The following CNTN4 variants were observed in gnomAD, a reference collection of about 807,000 sequenced individuals.
CNTN4 encodes the protein contactin-4.
Under a neutral mutation model 122.5 loss-of-function variants are expected in CNTN4, and 77 were observed. The ratio of observed to expected loss-of-function variants is 0.63; its 90% CI spans 0.52 to 0.76. The LOEUF (loss-of-function observed/expected upper bound fraction) is 0.76. Ranked by LOEUF, CNTN4 falls within the 30% of genes least tolerant of loss-of-function variation. CNTN4 has a pLI of 0.00. For missense variants in CNTN4, 1,256 were observed against 1,259.1 expected (o/e 1.00, Z 0.04); for synonymous variants, 512 against 447.0 (o/e 1.15, Z -1.83).
intron 3 of CNTN4, among the ~76,000 whole-genome samples, chr3:2,465,886 T>C (rs1429864411): frequency 1.3e-5 from 2 of 152,146 alleles, no homozygotes; most frequent in Non-Finnish European, 2.9e-5. Flanking sequence ...CATTTTGATA[T>C]GGAATATTTT....
Position 2,902,818 on chromosome 3 carries a change from G to T in CNTN4, c.1078-58G>T, listed in dbSNP as rs896886406. 2.2e-5 allele frequency: 35 copies of T among 1,569,476 alleles called. 1 individual carries two copies. In the African/African-American group the frequency reaches 4.2e-4, roughly 19 times the overall value. On this transcript the variant is annotated intron_variant, in intron 11 of 24. Transcript: ENST00000418658. ...CCTTGATATTACACATGGTAAAATT[G>T]CCTTAAAGTCTCAGTTGTAGAAGGT...
intron 2 of CNTN4, among the ~76,000 whole-genome samples, chr3:2,275,850 G>A (rs565828268): frequency 3.4e-5 from 5 of 147,630 alleles, no homozygotes; most frequent in East Asian, 2.0e-4. Flanking sequence ...AACCTGGGAG[G>A]TATAGGTTGC....
chr3:2,956,660 G>A (rs190514708), intron 13 of CNTN4, among the ~76,000 whole-genome samples: 4 of 151,944 alleles, frequency 2.6e-5, no homozygotes, highest in Admixed American at 2.6e-4. Flanking sequence ...AACATGACTT[G>A]TGTATATATT....
chr3:2,968,741 G>C (rs1311468281), intron 13 of CNTN4, among the ~76,000 whole-genome samples: 1 of 152,148 alleles, frequency 6.6e-6, no homozygotes, highest in African/African-American at 2.4e-5. Flanking sequence ...TGAGCTTATA[G>C]ACTGGTGAGG....
chr3:2,529,472 C>T (rs953713824), intron 3 of CNTN4, among the ~76,000 whole-genome samples: 9 of 152,032 alleles, frequency 5.9e-5, no homozygotes, highest in African/African-American at 2.2e-4. Context: ...TATACCCAGT[C>T]ATGGTATTGC....
intron 6 of CNTN4, among the ~76,000 whole-genome samples, chr3:2,755,494 C>G (rs2090293804): frequency 6.6e-6 from 1 of 152,084 alleles, no homozygotes; most frequent in Non-Finnish European, 1.5e-5. Context: ...TGCTGAGTTT[C>G]TGAAATAATG....
At position 2,996,015 on chromosome 3, in the gene CNTN4, T is replaced by C. The variant is rs114673862; in HGVS notation, c.1486+7543T>C. ...GTATCATTTTATTTAATATATTGTA[T>C]GATTAAATATAAAATTAGTAATATA... On this transcript the variant is annotated intron_variant, in intron 14 of 24. Transcript: ENST00000418658. 3.9e-3 allele frequency among the ~76,000 whole-genome samples: 592 copies of C among 152,304 alleles called. 3 individuals are homozygous for C. The highest frequency in any genetic ancestry group is 0.013 in the African/African-American group (560 of 41,582).
chr3:2,372,490 C>A (rs1012368759), intron 3 of CNTN4, among the ~76,000 whole-genome samples: 1 of 152,188 alleles, frequency 6.6e-6, no homozygotes, highest in Non-Finnish European at 1.5e-5. Context: ...ACACATTGTT[C>A]TAAAACTATA....
At chr3:2,564,448 A>G (rs1034924121) in intron 3 of CNTN4, among the ~76,000 whole-genome samples, 3 of 152,182 alleles carry the variant, frequency 2.0e-5, no homozygotes, top group Non-Finnish European at 4.4e-5. Context: ...AATTGTTACA[A>G]GCCTCAAATG....
intron 4 of CNTN4, among the ~76,000 whole-genome samples, chr3:2,705,794 ATTTG>A (rs1378564769): frequency 1.9e-5 from 2 of 104,918 alleles, no homozygotes. Flanking sequence ...CATAATATAT[ATTTG>A]TTATATATAA....
chr3:2,750,129 G>A (rs1559463433), intron 6 of CNTN4, among the ~76,000 whole-genome samples: 1 of 152,156 alleles, frequency 6.6e-6, no homozygotes, highest in African/African-American at 2.4e-5. Flanking sequence ...ATTACTCATT[G>A]TTAATACATA....
At chr3:2,789,245 C>T (rs1376712491) in intron 6 of CNTN4, among the ~76,000 whole-genome samples, 1 of 152,206 alleles carries the variant, frequency 6.6e-6, no homozygotes, top group Non-Finnish European at 1.5e-5. Context: ...AGGTCCTTTA[C>T]TCTGAATCTG....
chr3:2,495,289 A>C (rs1249226739), intron 3 of CNTN4, among the ~76,000 whole-genome samples: 6 of 152,262 alleles, frequency 3.9e-5, no homozygotes, highest in Admixed American at 2.6e-4. Flanking sequence ...ATAATACTTT[A>C]ATACATACTC....
chr3:2,315,852 T>A (rs906107436), intron 2 of CNTN4, among the ~76,000 whole-genome samples: 2 of 152,138 alleles, frequency 1.3e-5, no homozygotes, highest in African/African-American at 4.8e-5. Context: ...AAAAATTACA[T>A]CCACATGTTT....
intron 3 of CNTN4, among the ~76,000 whole-genome samples, chr3:2,387,263 G>A (rs546659697): frequency 7.9e-5 from 12 of 152,150 alleles, no homozygotes; most frequent in African/African-American, 2.9e-4. Context: ...TAATGCAAGG[G>A]TTCTTTACAA....
chr3:2,431,388 G>A (rs570316445), intron 3 of CNTN4, among the ~76,000 whole-genome samples: 29 of 152,150 alleles, frequency 1.9e-4, no homozygotes, highest in Admixed American at 7.2e-4. Flanking sequence ...GTAGGTAAAT[G>A]CAAAGAATAA....
At chr3:3,050,827 C>T (rs1217192886) in intron 23 of CNTN4, among the ~76,000 whole-genome samples, 10 of 150,244 alleles carry the variant, frequency 6.7e-5, no homozygotes, top group South Asian at 4.2e-4. Context: ...ATGCAGGATC[C>T]GCCACTTACC....
chr3:2,865,555 T>C (rs1014426642), intron 7 of CNTN4, among the ~76,000 whole-genome samples: 3 of 152,204 alleles, frequency 2.0e-5, no homozygotes, highest in African/African-American at 4.8e-5. Flanking sequence ...CCATTGCATT[T>C]AGTTGTTCCC....
chr3:2,157,231 T>C (rs2035760009), intron 2 of CNTN4, among the ~76,000 whole-genome samples: 1 of 152,182 alleles, frequency 6.6e-6, no homozygotes, highest in Non-Finnish European at 1.5e-5. Flanking sequence ...ACCTGGTGGA[T>C]AATATGTGAG....
Sources: gnomAD v4.1 joint callset for allele counts (sites outside exome capture counted in the v4.1 genomes callset) on GRCh38, gnomAD v4.1.1 for gene constraint, MANE v1.5 for transcripts, NCBI Gene and HGNC (gene_info 2026-07-23, HGNC 2026-07-21) for gene names.